Variants in CHD7 observed in about 807,000 individuals in gnomAD.
CHD7 encodes chromodomain helicase DNA binding protein 7.
In CHD7, 24 loss-of-function variants were observed where a neutral mutation model predicts 307.3. The ratio of observed to expected loss-of-function variants is 0.08; its 90% CI spans 0.06 to 0.11. The LOEUF (loss-of-function observed/expected upper bound fraction) is 0.11, where lower values mean the gene tolerates loss of function less well. Ranked by LOEUF, CHD7 falls within the 10% of genes least tolerant of loss-of-function variation. The pLI is 1.00. For synonymous variants in CHD7, 1,363 were observed against 1,349.9 expected (o/e 1.01, Z -0.21); for missense variants, 3,106 against 3,727.1 (o/e 0.83, Z 4.34).
intron 2 of CHD7, among the ~76,000 whole-genome samples, chr8:60,765,076 G>C (rs138491142): frequency 6.6e-6 from 1 of 152,176 alleles, no homozygotes; most frequent in Admixed American, 6.5e-5. Context: ...AGCAGCTGCA[G>C]TACCCAGACT....
At chr8:60,698,931 C>T (rs1170303286) in intron 1 of CHD7, among the ~76,000 whole-genome samples, 4 of 152,134 alleles carry the variant, frequency 2.6e-5, no homozygotes, top group Non-Finnish European at 5.9e-5. Context: ...GGACTACAGG[C>T]ACATACCACC....
At chr8:60,735,663 C>T (rs1808666908) in intron 1 of CHD7, among the ~76,000 whole-genome samples, 1 of 151,928 alleles carries the variant, frequency 6.6e-6, no homozygotes, top group African/African-American at 2.4e-5. Context: ...ATATTTCATC[C>T]CAAAGGGTAG....
intron 11 of CHD7, 129 bp from the exon 12 acceptor site, chr8:60,822,374 T>C: frequency 1.1e-6 from 1 of 907,886 alleles, no homozygotes; most frequent in Non-Finnish European, 1.6e-6. Flanking sequence ...TATATTTTGT[T>C]GAATCTAAGA....
chr8:60,686,943 A>T (rs1297751854), intron 1 of CHD7, among the ~76,000 whole-genome samples: 1 of 152,072 alleles, frequency 6.6e-6, no homozygotes, highest in Non-Finnish European at 1.5e-5. Context: ...TTTGTTATCC[A>T]TTTTTGTTTT....
intron 17 of CHD7, 128 bp from the exon 18 acceptor site, chr8:60,837,540 A>G (rs1365700142): frequency 1.3e-5 from 10 of 757,170 alleles, no homozygotes; most frequent in African/African-American, 7.1e-5. Flanking sequence ...TTCATGACCT[A>G]ATTACTTCCC....
chr8:60,732,757 C>T (rs534506230), intron 1 of CHD7, among the ~76,000 whole-genome samples: 51 of 152,056 alleles, frequency 3.4e-4, no homozygotes, highest in Non-Finnish European at 6.5e-4. Flanking sequence ...GTAAAATATA[C>T]ATTACTCTTC....
chr8:60,739,012 AAGTT>A (rs1171716226), intron 1 of CHD7, among the ~76,000 whole-genome samples: 1 of 152,140 alleles, frequency 6.6e-6, no homozygotes, highest in Admixed American at 6.5e-5. Flanking sequence ...AGCTGATAAA[AAGTT>A]AGCACCAACT....
intron 1 of CHD7, among the ~76,000 whole-genome samples, chr8:60,690,672 A>C (rs1042207366): frequency 6.6e-6 from 1 of 152,136 alleles, no homozygotes; most frequent in South Asian, 2.1e-4. Flanking sequence ...ATTTCCCCAC[A>C]CTGTGGAGCA....
chr8:60,865,224 A>G lies in CHD7; in HGVS notation c.8285A>G (p.Gln2762Arg). 6.2e-7 allele frequency: 1 copy of G among 1,609,702 alleles called. No homozygotes were observed. Among genetic ancestry groups the G allele is most frequent in the Non-Finnish European group, 8.5e-7 (1 of 1,178,026 alleles). Residue 2762 changes from glutamine to arginine, a missense_variant, in exon 38 of 38, where the codon CAG becomes CGG. Physicochemically the swap from Gln to Arg is conservative, Grantham distance 43. Coordinates refer to ENST00000423902, the MANE Select transcript of CHD7 (RefSeq NM_017780.4). This position sits in a 1 kb window ranked among gnomAD's most constrained non-coding sequence, Gnocchi z 4.3. ...GMDLTSLQNL[Q>R]NLQSLQLAGL... ...GACCTGACGAGCCTTCAGAATCTCCAGAATCTCCAGTCGCTCCAGCTGGCA... is the reference window on the plus strand; with the variant it reads ...GACCTGACGAGCCTTCAGAATCTCCGGAATCTCCAGTCGCTCCAGCTGGCA...
chr8:60,779,947 A>G (rs1326699993), intron 2 of CHD7, among the ~76,000 whole-genome samples: 1 of 152,236 alleles, frequency 6.6e-6, no homozygotes, highest in African/African-American at 2.4e-5. Context: ...TGTAAAGCAT[A>G]TATGCCTGGC....
At chr8:60,760,409 T>A (rs908055654) in intron 2 of CHD7, among the ~76,000 whole-genome samples, 1 of 147,216 alleles carries the variant, frequency 6.8e-6, no homozygotes, top group African/African-American at 2.5e-5. Context: ...AACCTAGGCA[T>A]TACCATTCAG....
At position 60,854,450 on chromosome 8, in the gene CHD7, A is replaced by T. The variant is rs561084367; in HGVS notation, c.6863A>T (p.Tyr2288Phe). The T allele has an allele frequency of 1.9e-6, 3 of 1,613,642 alleles. No homozygotes were observed. In the South Asian group the frequency reaches 3.3e-5, roughly 18 times the overall value. The stretch of plus-strand genomic sequence containing the variant: ...AGAGATGAAACCCGAGATGGATTCT[A>T]CATGGAGGACGGAGATCCTTCAGTA... The part of the protein sequence containing the change: ...TARDETRDGF[Y>F]MEDGDPSVAQ... Residue 2288 changes from tyrosine to phenylalanine, a missense_variant, in exon 32 of 38, where the codon TAC (tyrosine) becomes TTC (phenylalanine). Physicochemically the swap from Tyr to Phe is conservative, Grantham distance 22. Transcript: ENST00000423902.
rs187751757 is a variant in CHD7 at position 60,865,679 on chromosome 8, G to C, written c.8740G>C (p.Gly2914Arg). The change falls in exon 38 of 38, where the codon GGG becomes CGG. Residue 2914 changes from glycine to arginine, a missense_variant. Coordinates refer to ENST00000423902, the MANE Select transcript of CHD7 (RefSeq NM_017780.4). This position sits in a 1 kb window ranked among gnomAD's most constrained non-coding sequence, Gnocchi z 4.3. ...YPSMFLPPGLGGLTLPGFPAL... is the reference protein window; with the variant it reads ...YPSMFLPPGLRGLTLPGFPAL... ...ATCCATGTTTCTACCTCCAGGACTG[G>C]GGGGATTGACGCTGCCTGGGTTCCC... is the stretch of plus-strand genomic sequence containing the variant. The C allele has an allele frequency of 1.9e-6, 3 of 1,606,676 alleles. No individual in the cohort carries two copies. The highest frequency in any genetic ancestry group is 2.6e-6 in the Non-Finnish European group (3 of 1,174,998).
intron 13 of CHD7, among the ~76,000 whole-genome samples, chr8:60,826,837 A>G (rs556062311): frequency 6.6e-6 from 1 of 152,326 alleles, no homozygotes; most frequent in South Asian, 2.1e-4. Flanking sequence ...AACCTAACAC[A>G]AAAGAGTCTG....
At chr8:60,699,096 T>C (rs1052485719) in intron 1 of CHD7, among the ~76,000 whole-genome samples, 1 of 152,250 alleles carries the variant, frequency 6.6e-6, no homozygotes, top group Non-Finnish European at 1.5e-5. Flanking sequence ...CTTGGTGTTA[T>C]AGTGAACAGT....
intron 14 of CHD7, 61 bp downstream of exon 14, chr8:60,828,867 CA>C: frequency 6.9e-7 from 1 of 1,457,902 alleles, no homozygotes; most frequent in Admixed American, 1.8e-5. Context: ...CATGAAATGG[CA>C]AAGTATTAAG....
In CHD7 at chr8:60,742,025, T is replaced by G; in HGVS notation, c.593T>G (p.Phe198Cys). 1.2e-6 allele frequency: 2 copies of G among 1,613,810 alleles called. No homozygotes were observed. Among genetic ancestry groups the G allele is most frequent in the Non-Finnish European group, 1.7e-6 (2 of 1,179,868 alleles). ...GGCAGCTATATGGCACGTGGGGATT[T>G]TTCCATGCAGCAGCATGGTCAGCCA... is the stretch of plus-strand genomic sequence containing the variant. ...QMGSYMARGD[F>C]SMQQHGQPQQ... Residue 198 changes from phenylalanine to cysteine, a missense_variant, in exon 2 of 38, where the codon TTT (phenylalanine) becomes TGT (cysteine). Physicochemically the swap from Phe to Cys is radical, Grantham distance 205. This residue lies in a region of CHD7 where 998 missense variants were observed against 1,004.5 expected (regional missense o/e 0.99). Coordinates refer to ENST00000423902, the MANE Select transcript of CHD7 (RefSeq NM_017780.4).
Position 60,852,154 on chromosome 8 carries a change from T to A in CHD7, c.5801T>A (p.Leu1934Gln). The A allele has an allele frequency of 1.9e-6, 3 of 1,613,966 alleles. No homozygotes were observed. The highest frequency in any genetic ancestry group is 2.5e-6 in the Non-Finnish European group (3 of 1,179,882). The change falls in exon 29 of 38, where the codon CTA becomes CAA. Residue 1934 changes from leucine to glutamine, a missense_variant. Physicochemically the swap from Leu to Gln is moderately radical, Grantham distance 113 (BLOSUM62 -2). Coordinates refer to ENST00000423902, the MANE Select transcript of CHD7 (RefSeq NM_017780.4). Reference sequence around the variant, plus strand: ...AGGCAACAGATGAGGCAAGAGGCCCTAATGAAGACTGACCGGCGCAGACGG... The same window carrying A: ...AGGCAACAGATGAGGCAAGAGGCCCAAATGAAGACTGACCGGCGCAGACGG... ...YKRQQMRQEA[L>Q]MKTDRRRRRP...
Position 60,865,214 on chromosome 8 carries a change from C to T in CHD7, c.8275C>T (p.Gln2759Ter). The T allele has an allele frequency of 6.2e-7, 1 of 1,607,824 alleles. No individual in the cohort carries two copies. Among genetic ancestry groups the T allele is most frequent in the Non-Finnish European group, 8.5e-7 (1 of 1,177,160 alleles). Residue 2759 changes from glutamine (Q) to a stop codon, truncating the protein, a stop_gained, in exon 38 of 38, where the codon CAG becomes TAG. Transcript: ENST00000423902. LOFTEE classifies it high-confidence loss of function. This position sits in a 1 kb window ranked among gnomAD's most constrained non-coding sequence, Gnocchi z 4.3. ...LFAGMDLTSL[Q>*]NLQNLQSLQL... ...TGCTGGAATGGACCTGACGAGCCTT[C>T]AGAATCTCCAGAATCTCCAGTCGCT...
Sources: gnomAD v4.1 joint callset for allele counts (sites outside exome capture counted in the v4.1 genomes callset) on GRCh38, gnomAD v4.1.1 for gene constraint, gnomAD v4.1.1 regional missense constraint, Gnocchi (gnomAD v3.1) non-coding constraint, MANE v1.5 for transcripts, NCBI Gene and HGNC (gene_info 2026-07-23, HGNC 2026-07-21) for gene names.